Variants in MTF2 observed in about 807,000 individuals in gnomAD.
MTF2 encodes the protein metal response element binding transcription factor 2, also known as metal-response element-binding transcription factor 2.
A neutral mutation model predicts 79.5 loss-of-function variants in MTF2; 11 were observed. The ratio of observed to expected loss-of-function variants is 0.14; its 90% CI spans 0.09 to 0.23. The LOEUF (loss-of-function observed/expected upper bound fraction) is 0.23, where lower values mean the gene tolerates loss of function less well. MTF2 is among the 10% of genes least tolerant of loss of function. MTF2 has a pLI of 1.00. For missense variants in MTF2, 486 were observed against 711.2 expected (o/e 0.68, Z 3.60); for synonymous variants, 208 against 232.8 (o/e 0.89, Z 0.97).
intron 3 of MTF2, among the ~76,000 whole-genome samples, chr1:93,112,303 T>G (rs573034642): frequency 6.6e-6 from 1 of 152,334 alleles, no homozygotes; most frequent in South Asian, 2.1e-4. Flanking sequence ...TTTAGTAGTT[T>G]TCTTCCCTGT....
intron 1 of MTF2, among the ~76,000 whole-genome samples, chr1:93,095,260 C>T (rs971795498): frequency 2.0e-5 from 3 of 152,088 alleles, no homozygotes; most frequent in African/African-American, 7.2e-5. Context: ...AGGCTGGTTG[C>T]GAACTTCTTG....
intron 1 of MTF2, among the ~76,000 whole-genome samples, chr1:93,088,370 A>G (rs778264869): frequency 2.6e-5 from 4 of 152,086 alleles, no homozygotes; most frequent in Non-Finnish European, 5.9e-5. Context: ...TATTCATTGT[A>G]TATGTGAGAT....
At chr1:93,116,385 G>A (rs1656249051) in intron 6 of MTF2, among the ~76,000 whole-genome samples, 1 of 151,946 alleles carries the variant, frequency 6.6e-6, no homozygotes, top group African/African-American at 2.4e-5. Flanking sequence ...GCTGTTTGGT[G>A]CAAGAGGCCT....
At chr1:93,103,011 A>G (rs539883900) in intron 1 of MTF2, among the ~76,000 whole-genome samples, 1 of 152,116 alleles carries the variant, frequency 6.6e-6, no homozygotes. Flanking sequence ...GGGCGCCTGT[A>G]GTCTCAGCTA....
intron 1 of MTF2, among the ~76,000 whole-genome samples, chr1:93,087,951 A>G (rs1654917404): frequency 6.6e-6 from 1 of 152,170 alleles, no homozygotes; most frequent in Non-Finnish European, 1.5e-5. Flanking sequence ...CTTTTGAGAA[A>G]GTTAAGCAGT....
intron 3 of MTF2, among the ~76,000 whole-genome samples, chr1:93,110,926 T>G (rs1429507396): frequency 6.6e-6 from 1 of 152,238 alleles, no homozygotes; most frequent in East Asian, 1.9e-4. Context: ...ATTCAACTGT[T>G]GCTTGCTTAT....
intron 8 of MTF2, chr1:93,120,301 GAAAAAA>G (rs11414632): frequency 2.3e-4 from 25 of 107,898 alleles, no homozygotes; most frequent in Non-Finnish European, 2.8e-4. Context: ...CTGTCTCCAA[GAAAAAA>G]AAAAAAAAAA....
intron 1 of MTF2, among the ~76,000 whole-genome samples, chr1:93,081,990 T>G (rs886719545): frequency 2.0e-5 from 3 of 152,178 alleles, no homozygotes; most frequent in African/African-American, 7.2e-5. Context: ...TTTTTGTACA[T>G]TTAAGATGAA....
Position 93,127,290 on chromosome 1 carries a change from A to T in MTF2, c.980A>T (p.Tyr327Phe). 6.2e-7 allele frequency: 1 copy of T among 1,606,036 alleles called. No individual in the cohort carries two copies. Residue 327 changes from tyrosine to phenylalanine, a missense_variant, in exon 10 of 15, where the codon TAC becomes TTC. Physicochemically the swap from Tyr to Phe is conservative, Grantham distance 22 (BLOSUM62 3). Coordinates refer to ENST00000370298, the MANE Select transcript of MTF2 (RefSeq NM_007358.4). ...YEHVLEALNDYKTMFMSGKEI... is the reference protein window; with the variant it reads ...YEHVLEALNDFKTMFMSGKEI... ...CATGTTCTGGAGGCATTAAATGATT[A>T]CAAGACCATGTAAGTTGATTTATTT... is the stretch of plus-strand genomic sequence containing the variant.
At chr1:93,130,198 C>T (rs1436265311) in intron 11 of MTF2, among the ~76,000 whole-genome samples, 1 of 152,032 alleles carries the variant, frequency 6.6e-6, no homozygotes, top group Non-Finnish European at 1.5e-5. Flanking sequence ...GGGGCTTGAT[C>T]CTGTGTAGGG....
At chr1:93,098,968 A>T (rs1655414825) in intron 1 of MTF2, among the ~76,000 whole-genome samples, 1 of 152,150 alleles carries the variant, frequency 6.6e-6, no homozygotes, top group Admixed American at 6.6e-5. Flanking sequence ...AGAGGATGAC[A>T]TTTACAGATG....
At chr1:93,109,968 A>G (rs1418445926) in intron 1 of MTF2, among the ~76,000 whole-genome samples, 1 of 152,184 alleles carries the variant, frequency 6.6e-6, no homozygotes, top group Non-Finnish European at 1.5e-5. Flanking sequence ...TTTTGATGGC[A>G]GCTGCCTTGA....
intron 9 of MTF2, among the ~76,000 whole-genome samples, chr1:93,122,596 G>C (rs1321428702): frequency 6.6e-6 from 1 of 151,894 alleles, no homozygotes; most frequent in Non-Finnish European, 1.5e-5. Flanking sequence ...TAGCCTATGA[G>C]GTAATGTCTT....
intron 1 of MTF2, among the ~76,000 whole-genome samples, chr1:93,104,733 G>A (rs1486649021): frequency 6.6e-6 from 1 of 151,368 alleles, no homozygotes; most frequent in African/African-American, 2.4e-5. Context: ...TTAAATATTG[G>A]TTAGATAAAA....
chr1:93,083,754 T>C (rs1460498136), intron 1 of MTF2, among the ~76,000 whole-genome samples: 2 of 152,260 alleles, frequency 1.3e-5, no homozygotes, highest in Non-Finnish European at 2.9e-5. Flanking sequence ...GTCTATCTTT[T>C]GATTATAACC....
intron 1 of MTF2, among the ~76,000 whole-genome samples, chr1:93,102,671 T>G (rs1655595102): frequency 6.6e-6 from 1 of 152,106 alleles, no homozygotes; most frequent in African/African-American, 2.4e-5. Context: ...AAATAGAGTG[T>G]GTGTTGTCAA....
At position 93,126,812 on chromosome 1, in the gene MTF2, T is replaced by C. The variant is rs571644987; in HGVS notation, c.922-420T>C. Among the ~76,000 whole-genome samples, 75 of 152,204 alleles carry C rather than the reference T, an allele frequency of 4.9e-4. 1 individual carries two copies. Among genetic ancestry groups the C allele is most frequent in the African/African-American group, 1.7e-3 (72 of 41,570 alleles). Reference sequence around the variant, plus strand: ...TGGAAAATGGTATGTTTCTTACTACTTTTTGTACTTCCTATTGATATCTGT... The same window carrying C: ...TGGAAAATGGTATGTTTCTTACTACCTTTTGTACTTCCTATTGATATCTGT... On this transcript the variant is annotated intron_variant, in intron 9 of 14. Coordinates refer to ENST00000370298, the MANE Select transcript of MTF2 (RefSeq NM_007358.4).
At chr1:93,135,978 T>C (rs1425011094) in intron 14 of MTF2, among the ~76,000 whole-genome samples, 1 of 152,222 alleles carries the variant, frequency 6.6e-6, no homozygotes, top group African/African-American at 2.4e-5. Context: ...CTGTAGGTCT[T>C]TCAATTTAGT....
Position 93,089,659 on chromosome 1 carries a change from C to T in MTF2, c.5+10128C>T, listed in dbSNP as rs567777953. ...GTTTGAACTCCTGGGCCCAGGATAT[C>T]TTCACACTTCAGCCTCCCAGGTAGT... On this transcript the variant is annotated intron_variant, in intron 1 of 14. Coordinates refer to ENST00000370298, the MANE Select transcript of MTF2 (RefSeq NM_007358.4). Among the ~76,000 whole-genome samples the T allele has an allele frequency of 6.9e-4, 105 of 152,248 alleles. 1 individual carries two copies. The highest frequency in any genetic ancestry group is 2.0e-3 in the African/African-American group (82 of 41,548).
Sources: allele counts gnomAD v4.1 joint callset (sites outside exome capture counted in the v4.1 genomes callset), GRCh38; gene constraint gnomAD v4.1.1; transcripts MANE v1.5; gene names NCBI Gene and HGNC (gene_info 2026-07-23, HGNC 2026-07-21).